SPMIP7: variants seen among roughly 807,000 people sequenced by gnomAD.
The protein encoded by SPMIP7 is sperm microtubule inner protein 7, also known as protein SPMIP7.
the SPMIP7 span, among the ~76,000 whole-genome samples, chr7:50,127,113 A>G: frequency 6.6e-6 from 1 of 151,924 alleles, no homozygotes; most frequent in African/African-American, 2.4e-5. Flanking sequence ...CACAATTACA[A>G]CCAACTCATC....
chr7:50,153,723 A>T, the SPMIP7 span, among the ~76,000 whole-genome samples: 1 of 152,178 alleles, frequency 6.6e-6, no homozygotes, highest in East Asian at 1.9e-4. Context: ...AGAAGACTTC[A>T]CAGAGGAGTG....
chr7:50,149,469 G>T, the SPMIP7 span, among the ~76,000 whole-genome samples: 1 of 152,158 alleles, frequency 6.6e-6, no homozygotes, highest in Non-Finnish European at 1.5e-5. Context: ...GCAGTTGACC[G>T]AGCTGAAGCC....
At chr7:50,141,542 A>G in the SPMIP7 span, 3 of 591,248 alleles carry the variant, frequency 5.1e-6, no homozygotes, top group Non-Finnish European at 9.1e-6. Context: ...GTGGTTTGTC[A>G]CAAAGGAGAT....
chr7:50,146,013 T>C, the SPMIP7 span, among the ~76,000 whole-genome samples: 6 of 152,140 alleles, frequency 3.9e-5, no homozygotes, highest in Non-Finnish European at 8.8e-5. Flanking sequence ...CCCTGGCACA[T>C]GTCTCCCATG....
chr7:50,144,047 A>G, the SPMIP7 span, among the ~76,000 whole-genome samples: 4 of 152,208 alleles, frequency 2.6e-5, no homozygotes, highest in Non-Finnish European at 5.9e-5. Context: ...TTCCTTCAAA[A>G]GGATTCTGGG....
the SPMIP7 span, among the ~76,000 whole-genome samples, chr7:50,108,003 G>A: frequency 0.78 from 118,330 of 152,128 alleles, 46,132 homozygotes; most frequent in East Asian, 0.88. Flanking sequence ...ATTTTGTCAG[G>A]TCTTGTTAAA....
the SPMIP7 span, chr7:50,141,292 A>G: frequency 1.3e-6 from 2 of 1,549,260 alleles, no homozygotes; most frequent in Non-Finnish European, 8.7e-7. Flanking sequence ...GGTCATGTGC[A>G]GTCTACAAAT....
the SPMIP7 span, among the ~76,000 whole-genome samples, chr7:50,127,348 CA>C: frequency 6.6e-6 from 1 of 151,368 alleles, no homozygotes; most frequent in African/African-American, 2.4e-5. Context: ...TTGGTCTGGT[CA>C]AATATATTTT....
chr7:50,130,816 A>G, the SPMIP7 span, among the ~76,000 whole-genome samples: 1 of 152,090 alleles, frequency 6.6e-6, no homozygotes, highest in African/African-American at 2.4e-5. Flanking sequence ...AAGAGGGAAT[A>G]TAGAGCAAAA....
At chr7:50,137,744 A>T in the SPMIP7 span, among the ~76,000 whole-genome samples, 1 of 152,174 alleles carries the variant, frequency 6.6e-6, no homozygotes, top group African/African-American at 2.4e-5. Context: ...TTTAGTTTAC[A>T]TCTACCTGAT....
chr7:50,113,188 C>A, the SPMIP7 span, among the ~76,000 whole-genome samples: 2 of 152,168 alleles, frequency 1.3e-5, no homozygotes, highest in East Asian at 3.9e-4. Flanking sequence ...TTAAAAGCAT[C>A]CGACTGATTC....
the SPMIP7 span, among the ~76,000 whole-genome samples, chr7:50,158,640 T>G: frequency 6.6e-6 from 1 of 152,134 alleles, no homozygotes; most frequent in Admixed American, 6.5e-5. Context: ...TACTACCCTC[T>G]GGGTGAGGTC....
At chr7:50,127,617 C>CTATA in the SPMIP7 span, among the ~76,000 whole-genome samples, 5,055 of 142,408 alleles carry the variant, frequency 0.035, 223 homozygotes, top group South Asian at 0.11. Context: ...ATATCTTTTT[C>CTATA]TATATATATA....
chr7:50,097,753 A>G, the SPMIP7 span, among the ~76,000 whole-genome samples: 1 of 152,102 alleles, frequency 6.6e-6, no homozygotes, highest in Non-Finnish European at 1.5e-5. Flanking sequence ...TTTATGTAAA[A>G]ATACCTAAAA....
the SPMIP7 span, chr7:50,136,269 A>AT: frequency 3.7e-6 from 3 of 815,950 alleles, no homozygotes; most frequent in Non-Finnish European, 4.1e-6. Context: ...TGGGTGAGGG[A>AT]TATGTTCTCT....
chr7:50,103,066 A>T, the SPMIP7 span, among the ~76,000 whole-genome samples: 1 of 136,002 alleles, frequency 7.4e-6, no homozygotes, highest in African/African-American at 2.7e-5. Flanking sequence ...ATATATATAT[A>T]ATATATATAA....
At chr7:50,106,305 G>T in the SPMIP7 span, among the ~76,000 whole-genome samples, 1 of 152,206 alleles carries the variant, frequency 6.6e-6, no homozygotes, top group African/African-American at 2.4e-5. Flanking sequence ...ACTTTTGGTG[G>T]TCTCATAGAA....
At chr7:50,103,052 T>TATA in the SPMIP7 span, among the ~76,000 whole-genome samples, 3 of 143,820 alleles carry the variant, frequency 2.1e-5, no homozygotes, top group East Asian at 2.0e-4. Flanking sequence ...ATCATATATT[T>TATA]TATATATATA....
the SPMIP7 span, among the ~76,000 whole-genome samples, chr7:50,109,006 A>G: frequency 6.6e-6 from 1 of 152,162 alleles, no homozygotes; most frequent in Non-Finnish European, 1.5e-5. Flanking sequence ...AAACTTACAT[A>G]AATTACTAGC....
Sources: allele counts gnomAD v4.1 joint callset (sites outside exome capture counted in the v4.1 genomes callset), GRCh38; gene constraint gnomAD v4.1.1; transcripts MANE v1.5; gene names NCBI Gene and HGNC (gene_info 2026-07-23, HGNC 2026-07-21).